Variants in RNF168 observed in about 807,000 individuals in gnomAD.
RNF168 encodes ring finger protein 168, also known as E3 ubiquitin-protein ligase RNF168.
In RNF168, 34 loss-of-function variants were observed where a neutral mutation model predicts 34.9. That is an observed-to-expected ratio of 0.97 (90% confidence interval 0.74 to 1.30). The LOEUF is 1.30. Among genes scored for constraint, RNF168 ranks in the 50% most tolerant of loss-of-function variants. RNF168 has a pLI of 0.00. For missense variants in RNF168, 725 were observed against 682.5 expected (o/e 1.06, Z -0.69); for synonymous variants, 264 against 254.7 (o/e 1.04, Z -0.35).
chr3:196,479,585 G>A (rs945983746), intron 4 of RNF168, among the ~76,000 whole-genome samples: 4 of 151,322 alleles, frequency 2.6e-5, no homozygotes, highest in African/African-American at 4.9e-5. Flanking sequence ...GCAGGTATGA[G>A]CCAACACACC....
intron 1 of RNF168, among the ~76,000 whole-genome samples, chr3:196,501,153 T>C (rs1428886140): frequency 2.0e-5 from 3 of 152,248 alleles, no homozygotes; most frequent in Non-Finnish European, 2.9e-5. Flanking sequence ...ACAGCCACTG[T>C]AGAAATCAAT....
At chr3:196,486,538 T>G (rs976953895) in intron 3 of RNF168, among the ~76,000 whole-genome samples, 6 of 151,798 alleles carry the variant, frequency 4.0e-5, no homozygotes, top group Admixed American at 3.9e-4. Context: ...CTCACTTTGT[T>G]GCCCAGGCTG....
chr3:196,484,393 C>A (rs1732372982), intron 3 of RNF168, among the ~76,000 whole-genome samples: 1 of 150,066 alleles, frequency 6.7e-6, no homozygotes, highest in South Asian at 2.1e-4. Context: ...CCAGGATGGT[C>A]TCGATTTCCT....
chr3:196,492,579 C>T (rs1449684981), intron 1 of RNF168, among the ~76,000 whole-genome samples: 1 of 152,058 alleles, frequency 6.6e-6, no homozygotes, highest in Non-Finnish European at 1.5e-5. Context: ...AGTTCAAAAC[C>T]AGCCTGGCCA....
At chr3:196,480,864 T>C (rs1732269738) in intron 4 of RNF168, among the ~76,000 whole-genome samples, 1 of 152,140 alleles carries the variant, frequency 6.6e-6, no homozygotes, top group African/African-American at 2.4e-5. Flanking sequence ...GGGCTCGTCT[T>C]GAACTCCTGG....
At chr3:196,497,023 G>C (rs774773222) in intron 1 of RNF168, among the ~76,000 whole-genome samples, 1 of 152,100 alleles carries the variant, frequency 6.6e-6, no homozygotes, top group Non-Finnish European at 1.5e-5. Context: ...GTACATGCCT[G>C]TAATCGCAGC....
intron 4 of RNF168, among the ~76,000 whole-genome samples, chr3:196,482,986 G>A (rs1732332355): frequency 6.6e-6 from 1 of 151,896 alleles, no homozygotes; most frequent in African/African-American, 2.4e-5. Context: ...AGATTCATGA[G>A]TTATAGCCTT....
At position 196,475,326 on chromosome 3, in the gene RNF168, T is replaced by C; in HGVS notation, c.681-14A>G. The C allele has an allele frequency of 1.3e-6, 2 of 1,513,998 alleles. No homozygotes were observed. Among genetic ancestry groups the C allele is most frequent in the Non-Finnish European group, 1.8e-6 (2 of 1,088,846 alleles). 93.8% of individuals were successfully genotyped at this position (1,513,998 alleles called of 1,614,324 possible). ...GGTGTCAAATACCTAAAAGAAAAGT[T>C]TACCAAAGTTTCAATGCTTTCAAAG... On this transcript the variant is annotated splice_polypyrimidine_tract_variant and intron_variant, in intron 4 of 5. Transcript: ENST00000318037.
chr3:196,488,524 T>A, intron 2 of RNF168, 83 bp downstream of exon 2: 1 of 810,766 alleles, frequency 1.2e-6, no homozygotes, highest in African/African-American at 1.7e-5. Flanking sequence ...ACTAGTTATA[T>A]AAGCACAAAA....
chr3:196,472,584 T>C lies in RNF168; in HGVS notation c.951A>G (p.Arg317=). The change falls in exon 6 of 6, where the codon AGA becomes AGG. Residue 317 remains arginine (R), a synonymous_variant. Transcript: ENST00000318037. ...ATAACTCTTTCCCATGATTGCTTGG[T>C]CTTGTTTTGACGTTTCCTTCATGGT... is the stretch of plus-strand genomic sequence containing the variant. ...EWYHEGNVKT[R]PSNHGKELCV... 6.2e-7 allele frequency: 1 copy of C among 1,614,244 alleles called. No homozygotes were observed. The highest frequency in any genetic ancestry group is 1.3e-5 in the African/African-American group (1 of 75,066).
chr3:196,480,137 C>G (rs1035557740), intron 4 of RNF168, among the ~76,000 whole-genome samples: 1 of 152,084 alleles, frequency 6.6e-6, no homozygotes, highest in Non-Finnish European at 1.5e-5. Context: ...ATTGGTGCAC[C>G]GTCTTTTTAA....
chr3:196,474,447 CTTTTTTTT>C lies in RNF168; in HGVS notation c.762+776_762+783del, dbSNP rs78108021. 3.8e-3 allele frequency among the ~76,000 whole-genome samples: 458 copies of C among 121,396 alleles called. 3 individuals are homozygous for C. The highest frequency in any genetic ancestry group is 0.021 in the Middle Eastern group (4 of 190). 79.6% of individuals were successfully genotyped at this position (121,396 alleles called of 152,430 possible). On this transcript the variant is annotated intron_variant, in intron 5 of 5. Coordinates refer to ENST00000318037, the MANE Select transcript of RNF168 (RefSeq NM_152617.4). ...GCTTGGCCTCCCATCTTGTAATATT[CTTTTTTTT>C]TTTTTTTTTGAAACAGAGTTTCACT... is the stretch of plus-strand genomic sequence containing the variant.
At chr3:196,475,171 G>T in intron 5 of RNF168, 60 bp downstream of exon 5, 1 of 923,166 alleles carries the variant, frequency 1.1e-6, no homozygotes, top group Non-Finnish European at 1.8e-6. Flanking sequence ...ACTATGGATA[G>T]CACTAATCTA....
chr3:196,494,329 G>C lies in RNF168; in HGVS notation c.302-5646C>G, dbSNP rs114751067. Among the ~76,000 whole-genome samples, 613 of 152,222 alleles carry C rather than the reference G, an allele frequency of 4.0e-3. 5 individuals carry two copies. Among genetic ancestry groups the C allele is most frequent in the African/African-American group, 0.014 (589 of 41,528 alleles). ...TCGGTTAAACATTCCTACTCTACTC[G>C]ATATTTTGCTTCTTCGCAGCAAGTG... On this transcript the variant is annotated intron_variant, in intron 1 of 5. Transcript: ENST00000318037.
At chr3:196,498,991 T>A in intron 1 of RNF168, among the ~76,000 whole-genome samples, 2 of 146,146 alleles carry the variant, frequency 1.4e-5, no homozygotes, top group East Asian at 2.0e-4. Flanking sequence ...CAAGACTGTC[T>A]CAAAAAAAAA....
At chr3:196,492,995 C>T (rs1421626684) in intron 1 of RNF168, among the ~76,000 whole-genome samples, 1 of 151,914 alleles carries the variant, frequency 6.6e-6, no homozygotes, top group African/African-American at 2.4e-5. Context: ...AAAAACAAAA[C>T]TATAAACGAC....
In RNF168 at chr3:196,470,895, A is replaced by G. The variant is rs992219407; in HGVS notation, c.*924T>C. ...GAATCCACTTTAAACCAAAGGAAACAGGCCGGGCGTGGTGGCTCACGCCTA... is the reference window on the plus strand; with the variant it reads ...GAATCCACTTTAAACCAAAGGAAACGGGCCGGGCGTGGTGGCTCACGCCTA... On this transcript the variant is annotated 3_prime_UTR_variant, in exon 6 of 6. Coordinates refer to ENST00000318037, the MANE Select transcript of RNF168 (RefSeq NM_152617.4). The G allele has an allele frequency of 2.6e-5, 4 of 152,276 alleles. No homozygotes were observed. The highest frequency in any genetic ancestry group is 9.7e-5 in the African/African-American group (4 of 41,444). 9.4% of individuals were successfully genotyped at this position (152,276 alleles called of 1,614,324 possible). A position where few individuals can be genotyped will look rare whatever the true frequency, so the allele number is the denominator to read the frequency against.
rs550875595 is a variant in RNF168, at chr3:196,474,997, C to T, written c.762+234G>A. ...ACACAGATCACACTAACTGCAAAGG[C>T]GAAAATATTCACTCTCTTAGAGAAA... On this transcript the variant is annotated intron_variant, in intron 5 of 5. Coordinates refer to ENST00000318037, the MANE Select transcript of RNF168 (RefSeq NM_152617.4). 3.9e-5 allele frequency: 19 copies of T among 491,394 alleles called. No homozygotes were observed. The East Asian group carries it at 4.1e-4, about 11-fold the overall frequency. 30.4% of individuals were successfully genotyped at this position (491,394 alleles called of 1,614,324 possible). A position where few individuals can be genotyped will look rare whatever the true frequency, so the allele number is the denominator to read the frequency against.
intron 4 of RNF168, among the ~76,000 whole-genome samples, chr3:196,476,659 G>T (rs1303607133): frequency 6.6e-6 from 1 of 151,996 alleles, no homozygotes; most frequent in African/African-American, 2.4e-5. Context: ...CAGGTGATCC[G>T]CCTGCTTCGG....
Sources: gnomAD v4.1 joint callset for allele counts (sites outside exome capture counted in the v4.1 genomes callset) on GRCh38, gnomAD v4.1.1 for gene constraint, MANE v1.5 for transcripts, NCBI Gene and HGNC (gene_info 2026-07-23, HGNC 2026-07-21) for gene names.